CLIP2: variants seen among roughly 807,000 people sequenced by gnomAD.
The protein encoded by CLIP2 is CAP-Gly domain containing linker protein 2.
CLIP2 carries 41 observed loss-of-function variants against 111.7 expected under a neutral mutation model. The ratio of observed to expected loss-of-function variants is 0.37; its 90% confidence interval spans 0.29 to 0.48. The LOEUF is 0.48. Among genes scored for constraint, CLIP2 ranks in the 20% least tolerant of loss-of-function variants. The pLI is 0.99. For synonymous variants in CLIP2, 660 were observed against 644.2 expected (o/e 1.02, Z -0.37); for missense variants, 1,160 against 1,422.1 (o/e 0.82, Z 2.96).
intron 3 of CLIP2, among the ~76,000 whole-genome samples, chr7:74,343,353 G>A (rs1250632409): frequency 2.0e-5 from 3 of 152,064 alleles, no homozygotes; most frequent in African/African-American, 7.2e-5. Context: ...CCATCCAACA[G>A]GACCTGGGCA....
intron 14 of CLIP2, among the ~76,000 whole-genome samples, chr7:74,398,517 C>T (rs997617682): frequency 6.6e-6 from 1 of 152,206 alleles, no homozygotes; most frequent in Non-Finnish European, 1.5e-5. Flanking sequence ...CCCCCCACCA[C>T]CCTCCTGCCC....
At chr7:74,377,257 C>T (rs978254953) in intron 10 of CLIP2, among the ~76,000 whole-genome samples, 3 of 152,214 alleles carry the variant, frequency 2.0e-5, no homozygotes, top group Admixed American at 6.5e-5. Context: ...AGAAGCTCAC[C>T]TGGGGAATCA....
Position 74,376,935 on chromosome 7 carries a change from GC to G in CLIP2, c.2421+115del, listed in dbSNP as rs1345186338. 5 of 1,105,396 alleles carry G rather than the reference GC, an allele frequency of 4.5e-6. No individual in the cohort carries two copies. In the Admixed American group the frequency reaches 1.2e-4, roughly 26 times the overall value. 68.5% of individuals were successfully genotyped at this position (1,105,396 alleles called of 1,614,324 possible). On this transcript the variant is annotated intron_variant, in intron 10 of 16. Transcript: ENST00000223398. This position sits in a 1 kb window ranked among gnomAD's most constrained non-coding sequence, Gnocchi z 7.1. ...GCATTTCCCTTGTCCCCGAGAGCAT[GC>G]CTGGGGCAGTCAAGGAAGGGGTCAC... is the stretch of plus-strand genomic sequence containing the variant.
At chr7:74,296,046 A>G (rs763593937) in intron 1 of CLIP2, among the ~76,000 whole-genome samples, 3 of 151,518 alleles carry the variant, frequency 2.0e-5, no homozygotes, top group Non-Finnish European at 2.9e-5. Flanking sequence ...AAATGAGGTC[A>G]TTTGGGCCCT....
chr7:74,302,485 G>A (rs1788367445), intron 1 of CLIP2, among the ~76,000 whole-genome samples: 2 of 152,094 alleles, frequency 1.3e-5, no homozygotes, highest in South Asian at 4.1e-4. Flanking sequence ...ACCAGGCCTG[G>A]CCAGAAGATG....
rs750403952 is a variant in CLIP2, at chr7:74,323,878, T to TA, written c.121+6211_121+6212insA. Among the ~76,000 whole-genome samples, 138 of 152,368 alleles carry TA rather than the reference T, an allele frequency of 9.1e-4. 1 individual carries two copies. The highest frequency in any genetic ancestry group is 1.8e-3 in the Non-Finnish European group (122 of 68,040). On this transcript the variant is annotated intron_variant, in intron 2 of 16. Coordinates refer to ENST00000223398, the MANE Select transcript of CLIP2 (RefSeq NM_003388.5). Reference sequence around the variant, plus strand: ...TTTGTGTAAGTACACTCTGTGATGTTCACAGGACAACAAAATCGCCTAATG... The same window carrying TA: ...TTTGTGTAAGTACACTCTGTGATGTTACACAGGACAACAAAATCGCCTAATG...
intron 8 of CLIP2, among the ~76,000 whole-genome samples, chr7:74,370,042 C>T (rs1199582926): frequency 1.3e-5 from 1 of 76,026 alleles, no homozygotes; most frequent in Admixed American, 1.4e-4. Flanking sequence ...CCTGTAATTC[C>T]AGCTACTCGG....
chr7:74,385,619 C>T (rs1449820956), intron 11 of CLIP2, among the ~76,000 whole-genome samples: 1 of 152,012 alleles, frequency 6.6e-6, no homozygotes, highest in Non-Finnish European at 1.5e-5. Context: ...CTTGAATACA[C>T]AAGACCGGTG....
Position 74,403,994 on chromosome 7 carries a change from A to C in CLIP2, c.*146A>C. 1.2e-6 allele frequency: 1 copy of C among 866,066 alleles called. No homozygotes were observed. The highest frequency in any genetic ancestry group is 1.9e-6 in the Non-Finnish European group (1 of 522,324). The allele number at this position is 866,066 out of a possible 1,614,324, so 53.6% of individuals were successfully genotyped here. A position where few individuals can be genotyped will look rare whatever the true frequency, so the allele number is the denominator to read the frequency against. On this transcript the variant is annotated 3_prime_UTR_variant, in exon 17 of 17. Coordinates refer to ENST00000223398, the MANE Select transcript of CLIP2 (RefSeq NM_003388.5). ...AATAACGTACTCACCGCCGCGGACA[A>C]TCCCCCACCCCGATCCCTCGCCAGA...
chr7:74,361,363 A>G (rs1367956423), intron 7 of CLIP2, among the ~76,000 whole-genome samples: 3 of 151,508 alleles, frequency 2.0e-5, no homozygotes, highest in East Asian at 1.9e-4. Flanking sequence ...GATTACAGGC[A>G]TGGCCACCAA....
intron 2 of CLIP2, among the ~76,000 whole-genome samples, chr7:74,336,478 G>A (rs1789463232): frequency 6.6e-6 from 1 of 151,968 alleles, no homozygotes; most frequent in African/African-American, 2.4e-5. Flanking sequence ...TTACATGGCG[G>A]CAGACAAGAG....
At chr7:74,383,219 T>A (rs1790995771) in intron 11 of CLIP2, among the ~76,000 whole-genome samples, 1 of 152,110 alleles carries the variant, frequency 6.6e-6, no homozygotes, top group South Asian at 2.1e-4. Flanking sequence ...AAGTGTGAGA[T>A]AAGGATCCAT....
intron 13 of CLIP2, among the ~76,000 whole-genome samples, chr7:74,392,915 T>C (rs1248386540): frequency 1.3e-5 from 2 of 152,184 alleles, no homozygotes; most frequent in African/African-American, 4.8e-5. Flanking sequence ...CACCCCATCA[T>C]AGCTGGGGAG....
chr7:74,398,337 C>T (rs1471252074), intron 14 of CLIP2, among the ~76,000 whole-genome samples: 4 of 151,762 alleles, frequency 2.6e-5, no homozygotes, highest in Non-Finnish European at 5.9e-5. Flanking sequence ...GCAGCCTGGG[C>T]GACAGAGTGA....
At chr7:74,331,418 C>G (rs531896371) in intron 2 of CLIP2, among the ~76,000 whole-genome samples, 2 of 151,688 alleles carry the variant, frequency 1.3e-5, no homozygotes, top group East Asian at 3.9e-4. Flanking sequence ...TTGGCAAGAG[C>G]TGAGGAAGGA....
chr7:74,327,166 A>G (rs891612399), intron 2 of CLIP2, among the ~76,000 whole-genome samples: 22 of 151,808 alleles, frequency 1.4e-4, no homozygotes, highest in African/African-American at 5.3e-4. Context: ...GCAGTGGTGC[A>G]ATCTTGGCTC....
Position 74,397,171 on chromosome 7 carries a change from C to T in CLIP2, c.2818C>T (p.Arg940Trp), listed in dbSNP as rs782779170. 5.6e-6 allele frequency: 9 copies of T among 1,613,502 alleles called. No homozygotes were observed. The highest frequency in any genetic ancestry group is 4.0e-5 in the African/African-American group (3 of 74,696). The change falls in exon 14 of 17, where the codon CGG becomes TGG. Residue 940 changes from arginine to tryptophan, a missense_variant. By Grantham distance (101) the Arg-to-Trp change is moderately radical (BLOSUM62 -3). Around this residue, in one of 5 missense-constraint regions of CLIP2, gnomAD observed 676 missense variants for 777.8 expected, o/e 0.87. Transcript: ENST00000223398. ...LSREVHKAEW[R>W]IKEQKLKDDI... ...CCGTGAGGTACACAAGGCTGAGTGG[C>T]GGATCAAGGAGCAGAAACTCAAGGA...
At chr7:74,304,956 A>AAATG (rs1260886334) in intron 1 of CLIP2, among the ~76,000 whole-genome samples, 1 of 151,462 alleles carries the variant, frequency 6.6e-6, no homozygotes, top group South Asian at 2.1e-4. Flanking sequence ...AAAAATAAAT[A>AAATG]AATGAATGAA....
At chr7:74,402,711 G>A (rs1246567140) in intron 16 of CLIP2, among the ~76,000 whole-genome samples, 1 of 152,128 alleles carries the variant, frequency 6.6e-6, no homozygotes, top group Non-Finnish European at 1.5e-5. Context: ...CACAGAAAGA[G>A]AGAGAACCTA....
Sources: gnomAD v4.1 joint callset for allele counts (sites outside exome capture counted in the v4.1 genomes callset) on GRCh38, gnomAD v4.1.1 for gene constraint, gnomAD v4.1.1 regional missense constraint, Gnocchi (gnomAD v3.1) non-coding constraint, MANE v1.5 for transcripts, NCBI Gene and HGNC (gene_info 2026-07-23, HGNC 2026-07-21) for gene names.